Variants in SYT2 observed in about 807,000 individuals in gnomAD.
The protein encoded by SYT2 is synaptotagmin 2.
A neutral mutation model predicts 39.9 loss-of-function variants in SYT2; 15 were observed. The observed-to-expected ratio is 0.38, with a 90% CI of 0.25 to 0.58. SYT2 has a LOEUF of 0.58. SYT2 is among the 20% of genes least tolerant of loss of function. The pLI is 0.70. For missense variants in SYT2, 389 were observed against 530.3 expected (o/e 0.73, Z 2.62); for synonymous variants, 181 against 204.5 (o/e 0.89, Z 0.98).
At chr1:202,602,641 G>A (rs976142146) in intron 4 of SYT2, 96 bp from the exon 5 acceptor site, 1 of 1,265,454 alleles carries the variant, frequency 7.9e-7, no homozygotes, top group Non-Finnish European at 1.1e-6. Context: ...CCGTCCCAGA[G>A]GAGGCAGTTG....
chr1:202,688,922 A>T (rs1653743057), intron 1 of SYT2, among the ~76,000 whole-genome samples: 1 of 152,124 alleles, frequency 6.6e-6, no homozygotes, highest in Middle Eastern at 3.2e-3. Context: ...TGGGGGAAAG[A>T]TCCAAATGGG....
intron 1 of SYT2, among the ~76,000 whole-genome samples, chr1:202,692,550 T>C (rs1653863412): frequency 6.6e-6 from 1 of 152,228 alleles, no homozygotes; most frequent in Non-Finnish European, 1.5e-5. Context: ...AGGCCTTGCA[T>C]GTTAAGATTA....
intron 1 of SYT2, among the ~76,000 whole-genome samples, chr1:202,698,293 G>A (rs1026554432): frequency 3.3e-5 from 5 of 152,110 alleles, no homozygotes; most frequent in Admixed American, 6.5e-5. Flanking sequence ...AGCTGGAGAA[G>A]GAGCCACGTG....
At chr1:202,704,464 G>A (rs1233472520) in intron 1 of SYT2, among the ~76,000 whole-genome samples, 2 of 152,166 alleles carry the variant, frequency 1.3e-5, no homozygotes, top group Non-Finnish European at 2.9e-5. Context: ...GAAGGAATGG[G>A]GTGCTCTGGC....
chr1:202,691,725 GAGGGGGGGAGAGA>G (rs1653832493), intron 1 of SYT2, among the ~76,000 whole-genome samples: 14 of 16,366 alleles, frequency 8.6e-4, no homozygotes, highest in African/African-American at 9.3e-4. Context: ...GGGAGAGGGA[GAGGGGGGGAGAGA>G]GAGAGAGAGA....
intron 3 of SYT2, chr1:202,604,244 A>C: frequency 1.8e-6 from 1 of 558,570 alleles, no homozygotes; most frequent in Non-Finnish European, 3.2e-6. Context: ...CTTTCCAGGG[A>C]TGAGTTCATG....
At chr1:202,624,758 G>GA (rs1691317798) in intron 1 of SYT2, among the ~76,000 whole-genome samples, 1 of 10,602 alleles carries the variant, frequency 9.4e-5, no homozygotes, top group Non-Finnish European at 3.3e-4. Context: ...GGTGTGTGGT[G>GA]TGTGTGTGGT....
At chr1:202,701,620 T>C (rs1234110892) in intron 1 of SYT2, among the ~76,000 whole-genome samples, 2 of 152,224 alleles carry the variant, frequency 1.3e-5, no homozygotes, top group Non-Finnish European at 2.9e-5. Context: ...GGGTGCAGTG[T>C]GATACTATTA....
chr1:202,678,275 A>C (rs1348843824), intron 1 of SYT2, among the ~76,000 whole-genome samples: 2 of 110,374 alleles, frequency 1.8e-5, no homozygotes, highest in African/African-American at 6.0e-5. Context: ...CTCTGTCTCA[A>C]AAAAAAAAAA....
At chr1:202,674,707 G>T (rs1430501436) in intron 1 of SYT2, among the ~76,000 whole-genome samples, 1 of 152,042 alleles carries the variant, frequency 6.6e-6, no homozygotes, top group Admixed American at 6.6e-5. Flanking sequence ...CATTGCACTT[G>T]GTATGAAACC....
rs2095982 is a variant in SYT2 at position 202,677,146 on chromosome 1, T to C, written c.-18+33112A>G. ...AACTGTGAGTTGATGAAATCTCTCT[T>C]CTTCATAAGTTACCCAGTCTCAGGT... On this transcript the variant is annotated intron_variant, in intron 1 of 8. Transcript: ENST00000367268. Among the ~76,000 whole-genome samples, 298 of 152,338 alleles carry C rather than the reference T, an allele frequency of 2.0e-3. 2 individuals are homozygous for C. Among genetic ancestry groups the C allele is most frequent in the African/African-American group, 6.9e-3 (286 of 41,570 alleles).
chr1:202,661,566 G>A (rs565678326), intron 1 of SYT2, among the ~76,000 whole-genome samples: 8 of 152,132 alleles, frequency 5.3e-5, no homozygotes, highest in Admixed American at 4.6e-4. Flanking sequence ...TATGCCACTC[G>A]GCAGCCTTCA....
rs1388815275 is a variant in SYT2, at chr1:202,591,359, C to A, written c.*5398G>T. On this transcript the variant is annotated 3_prime_UTR_variant, in exon 9 of 9. Coordinates refer to ENST00000367268, the MANE Select transcript of SYT2 (RefSeq NM_177402.5). ...CATCCTGGGCTCTTCCCATGCAGTA[C>A]TGCCCTCAGGTGCCCATGGGGCCAG... 1 of 152,558 alleles carries A rather than the reference C, an allele frequency of 6.6e-6. No homozygotes were observed. Among genetic ancestry groups the A allele is most frequent in the Non-Finnish European group, 1.5e-5 (1 of 68,300 alleles). 9.5% of individuals were successfully genotyped at this position (152,558 alleles called of 1,614,324 possible).
At chr1:202,621,527 C>G (rs780884279) in intron 1 of SYT2, among the ~76,000 whole-genome samples, 1 of 152,140 alleles carries the variant, frequency 6.6e-6, no homozygotes, top group Non-Finnish European at 1.5e-5. Context: ...GAACTCCTGG[C>G]CTCATGAACT....
chr1:202,704,149 TTG>T (rs940045848), intron 1 of SYT2, among the ~76,000 whole-genome samples: 5 of 152,032 alleles, frequency 3.3e-5, no homozygotes, highest in African/African-American at 1.2e-4. Context: ...GAAGCAAGCT[TTG>T]TGATTGAGGA....
At chr1:202,669,896 C>A (rs1411932417) in intron 1 of SYT2, among the ~76,000 whole-genome samples, 3 of 152,126 alleles carry the variant, frequency 2.0e-5, no homozygotes, top group African/African-American at 7.2e-5. Context: ...TGGGCATAAC[C>A]GAGGCACTGT....
intron 1 of SYT2, among the ~76,000 whole-genome samples, chr1:202,684,387 T>C (rs189519562): frequency 6.6e-6 from 1 of 152,234 alleles, no homozygotes; most frequent in African/African-American, 2.4e-5. Flanking sequence ...GATTATACAG[T>C]ATTTGTTATT....
At chr1:202,608,433 C>A (rs773701915) in intron 1 of SYT2, among the ~76,000 whole-genome samples, 2 of 152,098 alleles carry the variant, frequency 1.3e-5, no homozygotes, top group Non-Finnish European at 2.9e-5. Flanking sequence ...CATGCCATCA[C>A]ACCAAGCTAA....
At chr1:202,675,205 G>A (rs1345234027) in intron 1 of SYT2, among the ~76,000 whole-genome samples, 1 of 151,998 alleles carries the variant, frequency 6.6e-6, no homozygotes, top group African/African-American at 2.4e-5. Context: ...TACTGAGCAC[G>A]TTGGGCACAT....
Sources: gnomAD v4.1 joint callset for allele counts (sites outside exome capture counted in the v4.1 genomes callset) on GRCh38, gnomAD v4.1.1 for gene constraint, MANE v1.5 for transcripts, NCBI Gene and HGNC (gene_info 2026-07-23, HGNC 2026-07-21) for gene names.